The following RANBP2 variants were observed in gnomAD, a reference collection of about 807,000 sequenced individuals.
RANBP2 encodes RAN binding protein 2.
A neutral mutation model predicts 303.6 loss-of-function variants in RANBP2; 57 were observed. That is an observed-to-expected ratio of 0.19 (90% CI 0.15 to 0.23). RANBP2 has a LOEUF of 0.23. RANBP2 is among the 10% of genes least tolerant of loss of function. The pLI is 1.00. For synonymous variants in RANBP2, 1,167 were observed against 1,301.5 expected, an observed-to-expected ratio of 0.90 and a Z score of 2.23; for missense variants, 3,138 against 3,780.8, an observed-to-expected ratio of 0.83 and a Z score of 4.46.
the RANBP2 span, among the ~76,000 whole-genome samples, chr2:109,218,151 T>C: frequency 1.7e-5 from 2 of 116,918 alleles, no homozygotes; most frequent in African/African-American, 9.0e-5. Context: ...TTTTCTGTTC[T>C]ATTAAAAAAA....
rs987371061 is a variant in RANBP2, at chr2:108,719,959, C to G, written c.72+281C>G. 19 of 985,322 alleles carry G rather than the reference C, an allele frequency of 1.9e-5. No homozygotes were observed. In the African/African-American group the frequency reaches 3.1e-4, roughly 16 times the overall value. 61.0% of individuals were successfully genotyped at this position (985,322 alleles called of 1,614,324 possible). A position where few individuals can be genotyped will look rare whatever the true frequency, so the allele number is the denominator to read the frequency against. On this transcript the variant is annotated intron_variant, in intron 1 of 28. Coordinates refer to ENST00000283195, the MANE Select transcript of RANBP2 (RefSeq NM_006267.5). ...GTGCTCGCTCCTGGGGCCGCCCTGG[C>G]CCGGGCTTTCTGGCCGATCGCGCAC... is the stretch of plus-strand genomic sequence containing the variant.
At chr2:109,498,945 G>A in the RANBP2 span, among the ~76,000 whole-genome samples, 4 of 152,208 alleles carry the variant, frequency 2.6e-5, no homozygotes, top group African/African-American at 7.2e-5. Context: ...GGCGCGGCAG[G>A]GCAGAGCTGG....
At chr2:109,195,555 C>T in the RANBP2 span, among the ~76,000 whole-genome samples, 1 of 152,198 alleles carries the variant, frequency 6.6e-6, no homozygotes, top group Non-Finnish European at 1.5e-5. Context: ...CCCATTTGCA[C>T]CTAACCCTCG....
the RANBP2 span, among the ~76,000 whole-genome samples, chr2:109,328,978 G>A: frequency 2.0e-5 from 3 of 152,132 alleles, no homozygotes; most frequent in Non-Finnish European, 4.4e-5. Context: ...TTCCTCCCAC[G>A]TCCTGGTGGC....
At chr2:109,071,351 C>T in the RANBP2 span, among the ~76,000 whole-genome samples, 1 of 152,134 alleles carries the variant, frequency 6.6e-6, no homozygotes, top group Non-Finnish European at 1.5e-5. Context: ...TTCTGTCTTG[C>T]ATGTGTGAAA....
the RANBP2 span, among the ~76,000 whole-genome samples, chr2:109,675,103 G>A: frequency 1.3e-5 from 2 of 152,082 alleles, no homozygotes; most frequent in Non-Finnish European, 2.9e-5. Context: ...CAGTAAGCTC[G>A]ACCACAGGCA....
intron 1 of RANBP2, among the ~76,000 whole-genome samples, chr2:108,722,734 A>G (rs558199855): frequency 6.6e-5 from 10 of 150,652 alleles, no homozygotes; most frequent in Non-Finnish European, 1.5e-4. Flanking sequence ...TCTATTAAAA[A>G]TACAAAAATG....
At chr2:109,337,497 G>A in the RANBP2 span, among the ~76,000 whole-genome samples, 28 of 152,350 alleles carry the variant, frequency 1.8e-4, no homozygotes, top group Non-Finnish European at 4.0e-4. Flanking sequence ...GCAGGCAAGG[G>A]CGGGAGTCCT....
chr2:109,210,170 T>C, the RANBP2 span, among the ~76,000 whole-genome samples: 2 of 152,250 alleles, frequency 1.3e-5, no homozygotes, highest in Non-Finnish European at 2.9e-5. Context: ...TATTCCATTG[T>C]ATGGCTAGAC....
At chr2:109,000,242 C>T in the RANBP2 span, among the ~76,000 whole-genome samples, 11 of 152,094 alleles carry the variant, frequency 7.2e-5, no homozygotes. Context: ...AAATAAAGTC[C>T]TAGGCCGGGC....
At chr2:109,736,463 T>C in the RANBP2 span, among the ~76,000 whole-genome samples, 2 of 152,192 alleles carry the variant, frequency 1.3e-5, no homozygotes, top group African/African-American at 4.8e-5. Flanking sequence ...CAAAGACTTG[T>C]AGAAACACAT....
the RANBP2 span, among the ~76,000 whole-genome samples, chr2:108,981,152 C>T: frequency 6.6e-6 from 1 of 152,218 alleles, no homozygotes; most frequent in African/African-American, 2.4e-5. Flanking sequence ...GTGACCTTCC[C>T]TCGGGGAACT....
chr2:109,664,781 T>A, the RANBP2 span, among the ~76,000 whole-genome samples: 1 of 151,862 alleles, frequency 6.6e-6, no homozygotes, highest in African/African-American at 2.4e-5. Flanking sequence ...AACACAAAAA[T>A]TAGCTGGGTG....
chr2:109,032,405 G>C, the RANBP2 span, among the ~76,000 whole-genome samples: 1 of 152,120 alleles, frequency 6.6e-6, no homozygotes, highest in Non-Finnish European at 1.5e-5. Context: ...TTCAAGCACC[G>C]TCTGCAAACA....
chr2:109,400,575 G>GCA, the RANBP2 span, among the ~76,000 whole-genome samples: 1,544 of 147,074 alleles, frequency 0.01, 25 homozygotes, highest in African/African-American at 0.036. Context: ...ACACCTGTGC[G>GCA]CACACACACA....
the RANBP2 span, among the ~76,000 whole-genome samples, chr2:109,450,351 A>G: frequency 8.8e-6 from 1 of 113,062 alleles, no homozygotes; most frequent in African/African-American, 2.6e-5. Context: ...ATCTCAAAAA[A>G]AAAAAAAGAA....
At chr2:109,629,235 T>TAAAAAAATTAA in the RANBP2 span, among the ~76,000 whole-genome samples, 1 of 138,078 alleles carries the variant, frequency 7.2e-6, no homozygotes, top group African/African-American at 2.6e-5. Context: ...AATAAATAAA[T>TAAAAAAATTAA]AAAATGCTTA....
the RANBP2 span, among the ~76,000 whole-genome samples, chr2:109,043,674 A>G: frequency 6.6e-6 from 1 of 152,320 alleles, no homozygotes; most frequent in East Asian, 1.9e-4. Context: ...AGTTATTTAA[A>G]TGTTACCTGA....
the RANBP2 span, among the ~76,000 whole-genome samples, chr2:109,698,968 T>G: frequency 1.2e-3 from 188 of 152,320 alleles, 1 homozygote; most frequent in African/African-American, 4.4e-3. Context: ...AGCAGTTAAA[T>G]TCCCTGCAGA....
Sources: allele counts gnomAD v4.1 joint callset (sites outside exome capture counted in the v4.1 genomes callset), GRCh38; gene constraint gnomAD v4.1.1; transcripts MANE v1.5; gene names NCBI Gene and HGNC (gene_info 2026-07-23, HGNC 2026-07-21).